COQ8B: variants seen among roughly 807,000 people sequenced by gnomAD.
COQ8B encodes coenzyme Q8B.
Under a neutral mutation model 62.0 loss-of-function variants are expected in COQ8B, and 44 were observed. The ratio of observed to expected loss-of-function variants is 0.71; its 90% CI spans 0.56 to 0.91. The LOEUF is 0.91. COQ8B is among the 40% of genes least tolerant of loss of function. The pLI is 0.00. For missense variants in COQ8B, 649 were observed against 731.6 expected (o/e 0.89, Z 1.30); for synonymous variants, 252 against 289.9 (o/e 0.87, Z 1.33).
intron 12 of COQ8B, among the ~76,000 whole-genome samples, chr19:40,697,875 G>GAGAAAGAGAGAGAC (rs58313890): frequency 9.7e-6 from 1 of 103,474 alleles, no homozygotes; most frequent in African/African-American, 4.2e-5. Flanking sequence ...GAGAGAGAGA[G>GAGAAAGAGAGAGAC]AGTTTCTACT....
At chr19:40,707,206 T>C (rs1186866070) in intron 5 of COQ8B, among the ~76,000 whole-genome samples, 1 of 151,402 alleles carries the variant, frequency 6.6e-6, no homozygotes, top group East Asian at 1.9e-4. Flanking sequence ...GAGGTAGAGG[T>C]TACAGTGAGC....
rs2082167122 is a variant in COQ8B at position 40,714,268 on chromosome 19, G to A, written c.222+10C>T. Reference sequence around the variant, plus strand: ...GTGGGGTGTTGCTGGGTGGGTGGGGGTAATGATACCTGGGGCCGGGGTGTC... The same window carrying A: ...GTGGGGTGTTGCTGGGTGGGTGGGGATAATGATACCTGGGGCCGGGGTGTC... On this transcript the variant is annotated intron_variant, in intron 3 of 14. Coordinates refer to ENST00000324464, the MANE Select transcript of COQ8B (RefSeq NM_024876.4). 6.2e-7 allele frequency: 1 copy of A among 1,610,118 alleles called. No individual in the cohort carries two copies. Among genetic ancestry groups the A allele is most frequent in the Non-Finnish European group, 8.5e-7 (1 of 1,177,852 alleles).
chr19:40,714,112 G>T lies in COQ8B; in HGVS notation c.244C>A (p.Arg82Ser). The change falls in exon 4 of 15, where the codon CGC becomes AGC. Residue 82 changes from arginine (R) to serine (S), a missense_variant. Physicochemically the swap from Arg to Ser is moderately radical, Grantham distance 110. Coordinates refer to ENST00000324464, the MANE Select transcript of COQ8B (RefSeq NM_024876.4). ...RPQLSDRSRE[R>S]KVPASRISRL... ...CTGATGCGGGAGGCAGGCACCTTGC[G>T]TTCTCGAGAGCGGTCACTCAGCTGG... is the stretch of plus-strand genomic sequence containing the variant. The T allele has an allele frequency of 1.2e-6, 2 of 1,614,164 alleles. No individual in the cohort carries two copies. Among genetic ancestry groups the T allele is most frequent in the Non-Finnish European group, 1.7e-6 (2 of 1,180,030 alleles).
intron 12 of COQ8B, 142 bp from the exon 13 acceptor site, chr19:40,696,196 T>G: frequency 1.1e-6 from 1 of 871,236 alleles, no homozygotes; most frequent in Non-Finnish European, 1.9e-6. Context: ...ACTGGGCTCC[T>G]GGCCTCATCT....
rs1267053877 is a variant in COQ8B, at chr19:40,705,276, C to A, written c.490+49G>T. 1.9e-6 allele frequency: 3 copies of A among 1,586,234 alleles called. No individual in the cohort carries two copies. The Admixed American group carries it at 5.1e-5, about 27-fold the overall frequency. ...AGTTGGGGCCTGTTGGTGGGTAGGG[C>A]TGGGGTAGAAGGGAGGTCAGGGGTC... On this transcript the variant is annotated intron_variant, in intron 6 of 14. Transcript: ENST00000324464.
rs1182177332 is a variant in COQ8B, at chr19:40,691,894, A to G, written c.*141T>C. ...GAGTTCCCCAGCCCCAGGGATCCTGAGCTCCTGGGCCAAGGAGGAGAGCCA... is the reference window on the plus strand; with the variant it reads ...GAGTTCCCCAGCCCCAGGGATCCTGGGCTCCTGGGCCAAGGAGGAGAGCCA... On this transcript the variant is annotated 3_prime_UTR_variant, in exon 15 of 15. Coordinates refer to ENST00000324464, the MANE Select transcript of COQ8B (RefSeq NM_024876.4). 10 of 748,322 alleles carry G rather than the reference A, an allele frequency of 1.3e-5. No homozygotes were observed. Among genetic ancestry groups the G allele is most frequent in the African/African-American group, 3.6e-5 (2 of 55,794 alleles). 46.4% of individuals were successfully genotyped at this position (748,322 alleles called of 1,614,324 possible). A position where few individuals can be genotyped will look rare whatever the true frequency, so the allele number is the denominator to read the frequency against.
At chr19:40,702,208 C>G (rs2082065606) in intron 10 of COQ8B, among the ~76,000 whole-genome samples, 1 of 152,214 alleles carries the variant, frequency 6.6e-6, no homozygotes, top group Non-Finnish European at 1.5e-5. Flanking sequence ...GCTTCTACCA[C>G]CTTCTCCCAC....
At chr19:40,713,124 G>A (rs1307123957) in intron 4 of COQ8B, among the ~76,000 whole-genome samples, 1 of 152,246 alleles carries the variant, frequency 6.6e-6, no homozygotes, top group South Asian at 2.1e-4. Context: ...CACTTTGGGA[G>A]GCCGAAGTGG....
rs1006423243 is a variant in COQ8B at position 40,693,012 on chromosome 19, T to C, written c.1235A>G (p.Asp412Gly). The change falls in exon 14 of 15, where the codon GAC becomes GGC. Residue 412 changes from aspartate to glycine, a missense_variant. Physicochemically the swap from Asp to Gly is moderately conservative, Grantham distance 94. Transcript: ENST00000324464. ...GGACTTCTGCAGGACACAGTCTCTG[T>C]CTCCATCAGCTGCAGCCTTCACCAC... is the stretch of plus-strand genomic sequence containing the variant. ...IEVVKAAADG[D>G]RDCVLQKSRD... 1.9e-6 allele frequency: 3 copies of C among 1,613,834 alleles called. No homozygotes were observed. The highest frequency in any genetic ancestry group is 2.5e-6 in the Non-Finnish European group (3 of 1,179,856).
intron 4 of COQ8B, among the ~76,000 whole-genome samples, chr19:40,712,160 G>A (rs573649226): frequency 8.5e-5 from 13 of 152,054 alleles, no homozygotes; most frequent in Admixed American, 5.9e-4. Flanking sequence ...TGAACCAGGC[G>A]GGGCATGGTA....
Position 40,700,150 on chromosome 19 carries a change from A to G in COQ8B, c.1060T>C (p.Cys354Arg). The change falls in exon 12 of 15, where the codon TGT (cysteine) becomes CGT (arginine). Residue 354 changes from cysteine to arginine, a missense_variant. Coordinates refer to ENST00000324464, the MANE Select transcript of COQ8B (RefSeq NM_024876.4). ...NQICFQLLTL[C>R]LRELFEFRFM... Reference sequence around the variant, plus strand: ...CGGAACTCAAACAGCTCCCGCAGACACAGCGTCAGGAGCTGGAAGCAAATC... The same window carrying G: ...CGGAACTCAAACAGCTCCCGCAGACGCAGCGTCAGGAGCTGGAAGCAAATC... 6.2e-7 allele frequency: 1 copy of G among 1,614,252 alleles called. No homozygotes were observed.
In COQ8B at chr19:40,714,230, G is replaced by A. The variant is rs1320023188; in HGVS notation, c.222+48C>T. 1.9e-6 allele frequency: 3 copies of A among 1,606,358 alleles called. No individual in the cohort carries two copies. The South Asian group carries it at 3.3e-5, about 18-fold the overall frequency. On this transcript the variant is annotated intron_variant, in intron 3 of 14. Coordinates refer to ENST00000324464, the MANE Select transcript of COQ8B (RefSeq NM_024876.4). Reference sequence around the variant, plus strand: ...CCACACCCTTCCCCAAGCTCAGGGGGCCAGCAGTATTCGTGGGGTGTTGCT... The same window carrying A: ...CCACACCCTTCCCCAAGCTCAGGGGACCAGCAGTATTCGTGGGGTGTTGCT...
rs772038597 is a variant in COQ8B, at chr19:40,705,401, A to C, written c.414T>G (p.Asn138Lys). 2 of 1,594,648 alleles carry C rather than the reference A, an allele frequency of 1.3e-6. No homozygotes were observed. The highest frequency in any genetic ancestry group is 1.7e-6 in the Non-Finnish European group (2 of 1,164,800). The change falls in exon 6 of 15, where the codon AAT (asparagine) becomes AAG (lysine). Residue 138 changes from asparagine (N) to lysine (K), a missense_variant. Coordinates refer to ENST00000324464, the MANE Select transcript of COQ8B (RefSeq NM_024876.4). ...ATAAGGTCTGCACAATCCGCTCGGC[A>C]TTGGCCTCCGACAGGAAGGGGCTGG... ...LDSSPFLSEA[N>K]AERIVQTLCT...
At chr19:40,701,310 CAG>C (rs2082058757) in intron 10 of COQ8B, 1 of 152,144 alleles carries the variant, frequency 6.6e-6, no homozygotes, top group Non-Finnish European at 1.5e-5. Flanking sequence ...GCCTGGAAAA[CAG>C]AGCGAGACCC....
Position 40,716,786 on chromosome 19 carries a change from G to A in COQ8B, c.-203C>T, listed in dbSNP as rs971096392. The stretch of plus-strand genomic sequence containing the variant: ...AACTTGTCATTCAACCGTGTAGGGA[G>A]GGTGGTTTAGTCACAGGGGTGGAGG... On this transcript the variant is annotated 5_prime_UTR_variant, in exon 1 of 15. Transcript: ENST00000324464. 7 of 161,816 alleles carry A rather than the reference G, an allele frequency of 4.3e-5. No individual in the cohort carries two copies. Among genetic ancestry groups the A allele is most frequent in the South Asian group, 2.0e-4 (1 of 4,920 alleles). The allele number at this position is 161,816 out of a possible 1,614,324, so 10.0% of individuals were successfully genotyped here.
At position 40,692,806 on chromosome 19, in the gene COQ8B, TGGAGACAAG is replaced by T. The variant is rs2081984000; in HGVS notation, c.1296+136_1296+144del. The T allele has an allele frequency of 9.0e-6, 6 of 665,306 alleles. No individual in the cohort carries two copies. In the African/African-American group the frequency reaches 1.1e-4, roughly 12 times the overall value. The allele number at this position is 665,306 out of a possible 1,614,324, so 41.2% of individuals were successfully genotyped here. Reference sequence around the variant, plus strand: ...GACACACAGCCTCCATTCTCCCTAGTGGAGACAAGCCCCTCCTAGAGTCCCCCAGTCCCC... The same window carrying T: ...GACACACAGCCTCCATTCTCCCTAGTCCCCTCCTAGAGTCCCCCAGTCCCC... On this transcript the variant is annotated intron_variant, in intron 14 of 14. Transcript: ENST00000324464.
chr19:40,708,699 G>GGGA (rs2082118782), intron 5 of COQ8B, among the ~76,000 whole-genome samples: 1 of 151,578 alleles, frequency 6.6e-6, no homozygotes, highest in South Asian at 2.1e-4. Context: ...AGGCTGAGCA[G>GGGA]GGAGGATCAC....
chr19:40,702,564 G>T, intron 10 of COQ8B, 36 bp downstream of exon 10: 1 of 1,604,742 alleles, frequency 6.2e-7, no homozygotes. Context: ...AGCCTGGGAG[G>T]GAGGGAAGGA....
intron 12 of COQ8B, among the ~76,000 whole-genome samples, 168 bp from the exon 13 acceptor site, chr19:40,696,222 C>A (rs1214271740): frequency 4.0e-5 from 6 of 151,694 alleles, no homozygotes; most frequent in Non-Finnish European, 8.8e-5. Context: ...TTCCAACCGA[C>A]CCCCTAGCTG....
Sources: allele counts gnomAD v4.1 joint callset (sites outside exome capture counted in the v4.1 genomes callset), GRCh38; gene constraint gnomAD v4.1.1; transcripts MANE v1.5; gene names NCBI Gene and HGNC (gene_info 2026-07-23, HGNC 2026-07-21).